The following SMURF1 variants were observed in gnomAD, a reference collection of about 807,000 sequenced individuals.
SMURF1 encodes E3 ubiquitin-protein ligase SMURF1.
SMURF1 carries 44 observed loss-of-function variants against 98.0 expected under a neutral mutation model. That is an observed-to-expected ratio of 0.45 (90% CI 0.35 to 0.58). The LOEUF (loss-of-function observed/expected upper bound fraction) is 0.58. Among genes scored for constraint, SMURF1 ranks in the 20% least tolerant of loss-of-function variants. SMURF1 has a pLI of 0.00. For missense variants in SMURF1, 687 were observed against 938.4 expected (o/e 0.73, Z 3.50); for synonymous variants, 396 against 374.9 (o/e 1.06, Z -0.65).
rs771842205 is a variant in SMURF1 at position 99,033,132 on chromosome 7, A to G, written c.2012-11T>C. 9.6e-6 allele frequency: 15 copies of G among 1,565,008 alleles called. No individual in the cohort carries two copies. The highest frequency in any genetic ancestry group is 1.3e-5 in the Non-Finnish European group (15 of 1,154,258). On this transcript the variant is annotated splice_polypyrimidine_tract_variant and intron_variant, in intron 16 of 17. Coordinates refer to ENST00000361368, the MANE Select transcript of SMURF1 (RefSeq NM_181349.3). ...CCGCGCCTGTAGAACCTTACAAGAC[A>G]ACATTCTAGTTAATGTACTTCAGAG... is the stretch of plus-strand genomic sequence containing the variant.
intron 16 of SMURF1, among the ~76,000 whole-genome samples, chr7:99,035,220 C>T (rs567246595): frequency 6.6e-6 from 1 of 152,346 alleles, no homozygotes; most frequent in African/African-American, 2.4e-5. Flanking sequence ...CTCACAGACA[C>T]TCTGAAGGCC....
At chr7:99,059,407 T>TAA (rs1795970419) in intron 3 of SMURF1, among the ~76,000 whole-genome samples, 1 of 24,622 alleles carries the variant, frequency 4.1e-5, no homozygotes, top group African/African-American at 2.2e-4. Flanking sequence ...CAAAAAAAAA[T>TAA]AAAATAAAAT....
intron 1 of SMURF1, among the ~76,000 whole-genome samples, chr7:99,141,214 C>CA (rs1798112315): frequency 6.6e-6 from 1 of 152,182 alleles, no homozygotes; most frequent in Admixed American, 6.5e-5. Flanking sequence ...TTCCTAAATC[C>CA]AAAAATAATT....
intron 1 of SMURF1, among the ~76,000 whole-genome samples, chr7:99,071,656 T>C (rs1054048712): frequency 1.3e-5 from 2 of 152,230 alleles, no homozygotes; most frequent in Admixed American, 6.5e-5. Context: ...TTAAGTATTA[T>C]AGGCTAACAC....
chr7:99,095,493 T>G (rs974666324), intron 1 of SMURF1, among the ~76,000 whole-genome samples: 3 of 152,234 alleles, frequency 2.0e-5, no homozygotes, highest in African/African-American at 7.2e-5. Context: ...TGCTAGTAGT[T>G]ACCAAGTTGC....
In SMURF1 at chr7:99,052,301, C is replaced by T. The variant is rs758914042; in HGVS notation, c.625G>A (p.Ala209Thr). 1.2e-6 allele frequency: 2 copies of T among 1,612,744 alleles called. No individual in the cohort carries two copies. The highest frequency in any genetic ancestry group is 4.5e-5 in the East Asian group (2 of 44,858). ...ACATCAGGGTTTCGAAGCCGCTGTG[C>T]CTGAAGTCTTTGATCTTGACTTGGG... ...ESPSQDQRLQ[A>T]QRLRNPDVRG... The change falls in exon 7 of 18, where the codon GCA becomes ACA. Residue 209 changes from alanine (A) to threonine (T), a missense_variant. By Grantham distance (58) the Ala-to-Thr change is moderately conservative. Coordinates refer to ENST00000361368, the MANE Select transcript of SMURF1 (RefSeq NM_181349.3).
chr7:99,039,382 G>A (rs1283084937), intron 13 of SMURF1, among the ~76,000 whole-genome samples: 1 of 151,758 alleles, frequency 6.6e-6, no homozygotes, highest in Non-Finnish European at 1.5e-5. Flanking sequence ...GACTCACTCT[G>A]TCATCCAGGC....
intron 1 of SMURF1, among the ~76,000 whole-genome samples, chr7:99,074,025 T>C (rs1273360367): frequency 6.6e-6 from 1 of 152,190 alleles, no homozygotes; most frequent in Non-Finnish European, 1.5e-5. Flanking sequence ...GCAATGAGAA[T>C]GGCAGATCCT....
At chr7:99,049,853 AC>A (rs1183925379) in intron 8 of SMURF1, 144 bp from the exon 9 acceptor site, 2 of 714,582 alleles carry the variant, frequency 2.8e-6, no homozygotes, top group East Asian at 2.7e-5. Flanking sequence ...GGTGCTACTT[AC>A]GCCAAACCTC....
chr7:99,125,842 C>G (rs1797731743), intron 1 of SMURF1, among the ~76,000 whole-genome samples: 1 of 152,238 alleles, frequency 6.6e-6, no homozygotes, highest in East Asian at 1.9e-4. Flanking sequence ...CATCTCATTT[C>G]CTGATCCAAT....
At chr7:99,123,462 A>C (rs1348008933) in intron 1 of SMURF1, among the ~76,000 whole-genome samples, 1 of 152,038 alleles carries the variant, frequency 6.6e-6, no homozygotes, top group African/African-American at 2.4e-5. Context: ...TGAGCCCAGG[A>C]GGTTGAGGCT....
At chr7:99,082,453 C>T (rs935072826) in intron 1 of SMURF1, among the ~76,000 whole-genome samples, 2 of 152,162 alleles carry the variant, frequency 1.3e-5, no homozygotes, top group Non-Finnish European at 2.9e-5. Context: ...GTTCCAGGAC[C>T]ATTTGTTGAA....
At chr7:99,075,262 G>A (rs1177112473) in intron 1 of SMURF1, among the ~76,000 whole-genome samples, 1 of 152,176 alleles carries the variant, frequency 6.6e-6, no homozygotes, top group East Asian at 1.9e-4. Context: ...TGGGACTACA[G>A]GCATGCGCCA....
intron 1 of SMURF1, among the ~76,000 whole-genome samples, chr7:99,125,301 G>A (rs1797721680): frequency 6.6e-6 from 1 of 152,034 alleles, no homozygotes; most frequent in African/African-American, 2.4e-5. Flanking sequence ...TGCCCCAGCT[G>A]GTCTTGAGCT....
In SMURF1 at chr7:99,030,695, CAA is replaced by C; in HGVS notation, c.2097-14_2097-13del. 6.2e-7 allele frequency: 1 copy of C among 1,611,412 alleles called. No individual in the cohort carries two copies. The highest frequency in any genetic ancestry group is 8.5e-7 in the Non-Finnish European group (1 of 1,178,358). On this transcript the variant is annotated splice_polypyrimidine_tract_variant and intron_variant, in intron 17 of 17. Transcript: ENST00000361368. ...CGATCCGGTTAAAGCTGAAAAAGGA[CAA>C]AAGAGAGTCACCGTGTGGGCAGTCC...
chr7:99,103,615 A>C (rs1468793679), intron 1 of SMURF1, among the ~76,000 whole-genome samples: 1 of 152,178 alleles, frequency 6.6e-6, no homozygotes, highest in African/African-American at 2.4e-5. Flanking sequence ...TGACAAACAC[A>C]ATCTTAAAAA....
chr7:99,083,523 G>T (rs1796613982), intron 1 of SMURF1, among the ~76,000 whole-genome samples: 1 of 152,078 alleles, frequency 6.6e-6, no homozygotes, highest in African/African-American at 2.4e-5. Context: ...AGTACATTTG[G>T]GATTCACAAA....
At chr7:99,117,559 C>T (rs1213428668) in intron 1 of SMURF1, among the ~76,000 whole-genome samples, 2 of 151,400 alleles carry the variant, frequency 1.3e-5, no homozygotes, top group African/African-American at 4.8e-5. Context: ...CCATGTTGGC[C>T]AGGCTGGTCT....
intron 6 of SMURF1, among the ~76,000 whole-genome samples, chr7:99,053,310 T>C (rs957906192): frequency 1.1e-4 from 17 of 151,914 alleles, no homozygotes; most frequent in African/African-American, 4.1e-4. Flanking sequence ...ATGAACCCCC[T>C]GTGTCCACCC....
Sources: allele counts gnomAD v4.1 joint callset (sites outside exome capture counted in the v4.1 genomes callset), GRCh38; gene constraint gnomAD v4.1.1; transcripts MANE v1.5; gene names NCBI Gene and HGNC (gene_info 2026-07-23, HGNC 2026-07-21).